Variants in NALF1 observed in about 807,000 individuals in gnomAD.
The protein encoded by NALF1 is NALCN channel auxiliary factor 1, also known as family with sequence similarity 155 member A.
A neutral mutation model predicts 48.4 loss-of-function variants in NALF1; 3 were observed. The ratio of observed to expected loss-of-function variants is 0.06; its 90% CI spans 0.03 to 0.16. The LOEUF (loss-of-function observed/expected upper bound fraction) is 0.16. Ranked by LOEUF, NALF1 falls within the 10% of genes least tolerant of loss-of-function variation. NALF1 has a pLI of 1.00. For synonymous variants in NALF1, 262 were observed against 245.7 expected, an observed-to-expected ratio of 1.07 and a Z score of -0.62; for missense variants, 526 against 571.5, an observed-to-expected ratio of 0.92 and a Z score of 0.81.
At chr13:107,330,750 A>T (rs1014973740) in intron 1 of NALF1, among the ~76,000 whole-genome samples, 1 of 152,230 alleles carries the variant, frequency 6.6e-6, no homozygotes, top group Non-Finnish European at 1.5e-5. Context: ...GCTGAACTGC[A>T]TATTTCCATT....
intron 1 of NALF1, among the ~76,000 whole-genome samples, chr13:107,348,810 T>C (rs1014081860): frequency 5.3e-5 from 8 of 152,326 alleles, no homozygotes; most frequent in African/African-American, 1.7e-4. Flanking sequence ...CACTTAAAAA[T>C]ATAAGAATAA....
chr13:107,503,250 G>A (rs529408603), intron 1 of NALF1, among the ~76,000 whole-genome samples: 10 of 151,966 alleles, frequency 6.6e-5, no homozygotes, highest in East Asian at 1.9e-4. Context: ...ACATTTTAAC[G>A]GGCCCTTCAG....
chr13:107,647,115 T>C (rs1476111777), intron 1 of NALF1, among the ~76,000 whole-genome samples: 1 of 152,050 alleles, frequency 6.6e-6, no homozygotes. Context: ...ATATTATATG[T>C]AATCAGTGAA....
chr13:107,247,420 T>C (rs1418727604), intron 1 of NALF1, among the ~76,000 whole-genome samples: 1 of 152,214 alleles, frequency 6.6e-6, no homozygotes, highest in African/African-American at 2.4e-5. Flanking sequence ...CCCAAAGGGG[T>C]TTGATTTGTA....
At chr13:107,746,958 GGA>G (rs1296786791) in intron 1 of NALF1, among the ~76,000 whole-genome samples, 2 of 152,148 alleles carry the variant, frequency 1.3e-5, no homozygotes, top group Non-Finnish European at 2.9e-5. Flanking sequence ...GAAGACACAA[GGA>G]GAGAAAGCTT....
chr13:107,444,896 T>C (rs1884621992), intron 1 of NALF1, among the ~76,000 whole-genome samples: 1 of 152,240 alleles, frequency 6.6e-6, no homozygotes, highest in Non-Finnish European at 1.5e-5. Context: ...CTTCATCTAC[T>C]CCTACAAACA....
chr13:107,706,605 G>C (rs1481898379), intron 1 of NALF1, among the ~76,000 whole-genome samples: 2 of 152,050 alleles, frequency 1.3e-5, no homozygotes, highest in Non-Finnish European at 2.9e-5. Context: ...TTAAAAGCAG[G>C]ATCAGTCTTG....
intron 1 of NALF1, among the ~76,000 whole-genome samples, chr13:107,575,782 A>G (rs1026928232): frequency 6.6e-6 from 1 of 152,120 alleles, no homozygotes; most frequent in Non-Finnish European, 1.5e-5. Flanking sequence ...GTAGCATCTA[A>G]GGTGATTTTA....
chr13:107,822,884 C>T (rs987452203), intron 1 of NALF1, among the ~76,000 whole-genome samples: 2 of 152,246 alleles, frequency 1.3e-5, no homozygotes, highest in Admixed American at 1.3e-4. Context: ...TATAGTTAAA[C>T]CAAAAATTCA....
chr13:107,577,651 CCTT>C (rs2138407412), intron 1 of NALF1, among the ~76,000 whole-genome samples: 1 of 152,270 alleles, frequency 6.6e-6, no homozygotes, highest in South Asian at 2.1e-4. Flanking sequence ...GGGAAGATCT[CCTT>C]ATTAGCTGAT....
At chr13:107,757,346 A>G (rs1409038702) in intron 1 of NALF1, among the ~76,000 whole-genome samples, 1 of 151,410 alleles carries the variant, frequency 6.6e-6, no homozygotes, top group East Asian at 1.9e-4. Context: ...AGAAACAGCA[A>G]TTTTGGAGAA....
At chr13:107,572,464 G>A (rs948927618) in intron 1 of NALF1, among the ~76,000 whole-genome samples, 5 of 152,116 alleles carry the variant, frequency 3.3e-5, no homozygotes, top group South Asian at 2.1e-4. Context: ...TGTGGGAATT[G>A]GGGCTCAAAA....
At chr13:107,775,970 C>T (rs1425639062) in intron 1 of NALF1, among the ~76,000 whole-genome samples, 1 of 152,108 alleles carries the variant, frequency 6.6e-6, no homozygotes, top group Non-Finnish European at 1.5e-5. Flanking sequence ...CCTAAAGTGT[C>T]CTAAAATCAC....
At chr13:107,622,856 T>A (rs1284562945) in intron 1 of NALF1, among the ~76,000 whole-genome samples, 1 of 152,230 alleles carries the variant, frequency 6.6e-6, no homozygotes, top group Admixed American at 6.5e-5. Context: ...ATAAGGTATT[T>A]GATCCCATCT....
At chr13:107,332,177 G>T (rs905504211) in intron 1 of NALF1, among the ~76,000 whole-genome samples, 4 of 152,058 alleles carry the variant, frequency 2.6e-5, no homozygotes, top group Admixed American at 6.6e-5. Context: ...TAGCAATAAA[G>T]ACCCCACTTT....
chr13:107,552,961 T>A (rs1362774573), intron 1 of NALF1, among the ~76,000 whole-genome samples: 1 of 152,260 alleles, frequency 6.6e-6, no homozygotes, highest in South Asian at 2.1e-4. Context: ...TGAATTGTTA[T>A]CTACGAAATC....
intron 1 of NALF1, among the ~76,000 whole-genome samples, chr13:107,451,608 T>G (rs1049677565): frequency 3.3e-5 from 5 of 152,180 alleles, no homozygotes; most frequent in African/African-American, 1.2e-4. Context: ...GCATTTTTAT[T>G]CTCTTTCCTC....
chr13:107,253,312 T>C (rs892373815), intron 1 of NALF1, among the ~76,000 whole-genome samples: 2 of 152,186 alleles, frequency 1.3e-5, no homozygotes, highest in South Asian at 2.1e-4. Context: ...ACAAGCTAGA[T>C]GGCCAGGAGG....
intron 1 of NALF1, among the ~76,000 whole-genome samples, chr13:107,454,626 GTA>G (rs934252252): frequency 3.9e-5 from 6 of 152,142 alleles, no homozygotes; most frequent in African/African-American, 1.4e-4. Context: ...TATCACAGTT[GTA>G]TATGTTTTGG....
Sources: allele counts gnomAD v4.1 joint callset (sites outside exome capture counted in the v4.1 genomes callset), GRCh38; gene constraint gnomAD v4.1.1; transcripts MANE v1.5; gene names NCBI Gene and HGNC (gene_info 2026-07-23, HGNC 2026-07-21).